Variants in OSBPL5 observed in about 807,000 individuals in gnomAD.
The protein encoded by OSBPL5 is oxysterol binding protein like 5.
OSBPL5 carries 71 observed loss-of-function variants against 111.2 expected under a neutral mutation model. The observed-to-expected ratio is 0.64, with a 90% CI of 0.53 to 0.78. OSBPL5 has a LOEUF of 0.78. OSBPL5 is among the 30% of genes least tolerant of loss of function. The probability of loss-of-function intolerance (pLI) is 0.00; values close to 1 mark genes in which losing one functional copy is unlikely to be tolerated. For missense variants in OSBPL5, 1,210 were observed against 1,189.3 expected (o/e 1.02, Z -0.26); for synonymous variants, 549 against 513.9 (o/e 1.07, Z -0.93).
chr11:3,090,415 GC>G, intron 20 of OSBPL5, 142 bp downstream of exon 20: 1 of 1,152,748 alleles, frequency 8.7e-7, no homozygotes, highest in Non-Finnish European at 1.2e-6. Context: ...CTGCTGGGGG[GC>G]CCCTCAGGGC....
chr11:3,111,785 T>A (rs1484358435), intron 7 of OSBPL5, among the ~76,000 whole-genome samples: 1 of 152,214 alleles, frequency 6.6e-6, no homozygotes, highest in Non-Finnish European at 1.5e-5. Flanking sequence ...TTTATTCATA[T>A]AACAAGGCCA....
Position 3,100,215 on chromosome 11 carries a change from T to C in OSBPL5, c.1564A>G (p.Thr522Ala). 2 of 1,613,978 alleles carry C rather than the reference T, an allele frequency of 1.2e-6. No individual in the cohort carries two copies. The highest frequency in any genetic ancestry group is 1.7e-6 in the Non-Finnish European group (2 of 1,179,996). ...TAATCCTCGGCTCGGTTCAGGAAGGTGAGCGTGGCTTTGCCGTCCAGCAGC... is the reference window on the plus strand; with the variant it reads ...TAATCCTCGGCTCGGTTCAGGAAGGCGAGCGTGGCTTTGCCGTCCAGCAGC... Reference protein sequence around the residue: ...SALLDGKATLTFLNRAEDYTL... With the variant: ...SALLDGKATLAFLNRAEDYTL... The change falls in exon 14 of 22, where the codon ACC (threonine) becomes GCC (alanine). Residue 522 changes from threonine (T) to alanine (A), a missense_variant. Coordinates refer to ENST00000263650, the MANE Select transcript of OSBPL5 (RefSeq NM_020896.4).
Position 3,130,467 on chromosome 11 carries a change from C to T in OSBPL5, c.-21-1298G>A, listed in dbSNP as rs1444397725. Among the ~76,000 whole-genome samples the T allele has an allele frequency of 1.3e-5, 2 of 152,194 alleles. No homozygotes were observed. Among genetic ancestry groups the T allele is most frequent in the Non-Finnish European group, 2.9e-5 (2 of 68,026 alleles). On this transcript the variant is annotated intron_variant, in intron 1 of 21. Transcript: ENST00000263650. The surrounding 1 kb of genome is among the most constrained non-coding windows in gnomAD (Gnocchi z 4.5). ...GTGGCTTCAGGAGTGGGCTGGGGGC[C>T]CAGGGTGTCTGTGGTCCTGGGGGCT...
At chr11:3,163,069 GC>G (rs1399702951) in intron 1 of OSBPL5, among the ~76,000 whole-genome samples, 1 of 152,148 alleles carries the variant, frequency 6.6e-6, no homozygotes, top group Non-Finnish European at 1.5e-5. Context: ...TTGGCACTGT[GC>G]AACCCTGGGC....
intron 1 of OSBPL5, among the ~76,000 whole-genome samples, chr11:3,152,601 G>A (rs1258638368): frequency 2.0e-5 from 3 of 152,184 alleles, no homozygotes; most frequent in African/African-American, 4.8e-5. Context: ...AGCGGCCTGC[G>A]AGGCGCGATG....
chr11:3,162,568 C>A lies in OSBPL5; in HGVS notation c.-22+2648G>T, dbSNP rs888435170. ...CTAAGAGAACAACGCGGTCCTTAGT[C>A]CAAGTCCTTTGTACTCGACCGCCAA... is the stretch of plus-strand genomic sequence containing the variant. On this transcript the variant is annotated intron_variant, in intron 1 of 21. Coordinates refer to ENST00000263650, the MANE Select transcript of OSBPL5 (RefSeq NM_020896.4). The surrounding 1 kb of genome is among the most constrained non-coding windows in gnomAD (Gnocchi z 8.1). Among the ~76,000 whole-genome samples, 4 of 152,014 alleles carry A rather than the reference C, an allele frequency of 2.6e-5. No homozygotes were observed. The highest frequency in any genetic ancestry group is 9.7e-5 in the African/African-American group (4 of 41,374).
At chr11:3,095,654 G>A (rs1350214751) in intron 14 of OSBPL5, among the ~76,000 whole-genome samples, 4 of 152,004 alleles carry the variant, frequency 2.6e-5, no homozygotes, top group African/African-American at 4.8e-5. Context: ...AATGACCTTC[G>A]CCAGTCACCT....
In OSBPL5 at chr11:3,088,138, G is replaced by A. The variant is rs866529393; in HGVS notation, c.*67C>T. 42 of 1,419,556 alleles carry A rather than the reference G, an allele frequency of 3.0e-5. No individual in the cohort carries two copies. The Middle Eastern group carries it at 5.3e-3, about 180-fold the overall frequency. 87.9% of individuals were successfully genotyped at this position (1,419,556 alleles called of 1,614,324 possible). ...CGGGCCTCTCTGCCTCCATGGAGCA[G>A]GCTTAAAGTGCTGGGTGCCTGGGAG... On this transcript the variant is annotated 3_prime_UTR_variant, in exon 22 of 22. Transcript: ENST00000263650.
chr11:3,132,369 T>A (rs1845838363), intron 1 of OSBPL5, among the ~76,000 whole-genome samples: 1 of 152,074 alleles, frequency 6.6e-6, no homozygotes, highest in African/African-American at 2.4e-5. Context: ...TGTGGAGCCC[T>A]TCTGGAGCCC....
rs961563913 is a variant in OSBPL5 at position 3,113,210 on chromosome 11, G to A, written c.692-5265C>T. Among the ~76,000 whole-genome samples the A allele has an allele frequency of 2.0e-5, 3 of 152,100 alleles. No homozygotes were observed. The highest frequency in any genetic ancestry group is 4.4e-5 in the Non-Finnish European group (3 of 68,018). On this transcript the variant is annotated intron_variant, in intron 7 of 21. Coordinates refer to ENST00000263650, the MANE Select transcript of OSBPL5 (RefSeq NM_020896.4). This position sits in a 1 kb window ranked among gnomAD's most constrained non-coding sequence, Gnocchi z 4.8. The stretch of plus-strand genomic sequence containing the variant: ...TAAATAAGCTAGCTTTAAAATTATT[G>A]GTAAAGTAATATTAGAAATGTCTTA...
chr11:3,091,380 G>T (rs997264682), intron 19 of OSBPL5, among the ~76,000 whole-genome samples: 5 of 152,184 alleles, frequency 3.3e-5, no homozygotes, highest in African/African-American at 1.2e-4. Context: ...GGCAGGTGGG[G>T]TCAGAGCCAG....
chr11:3,115,079 G>T (rs1031437900), intron 7 of OSBPL5, among the ~76,000 whole-genome samples: 2 of 151,936 alleles, frequency 1.3e-5, no homozygotes, highest in Admixed American at 1.3e-4. Context: ...TATAAGTTTT[G>T]TTTTCCTCCT....
At chr11:3,112,056 C>CGT (rs1564837553) in intron 7 of OSBPL5, among the ~76,000 whole-genome samples, 4 of 32,040 alleles carry the variant, frequency 1.2e-4, no homozygotes, top group Admixed American at 3.8e-4. Flanking sequence ...CATGTGTGTG[C>CGT]ATGTGTATGT....
chr11:3,148,317 C>T (rs1386445794), intron 1 of OSBPL5, among the ~76,000 whole-genome samples: 1 of 152,268 alleles, frequency 6.6e-6, no homozygotes, highest in Admixed American at 6.5e-5. Context: ...CTTCTACTAT[C>T]CAACACTGAC....
chr11:3,127,984 C>A (rs1379902295), intron 2 of OSBPL5, among the ~76,000 whole-genome samples: 1 of 152,234 alleles, frequency 6.6e-6, no homozygotes, highest in African/African-American at 2.4e-5. Context: ...CCTTCCCCTC[C>A]CCACCCCTGA....
At chr11:3,122,507 A>C in intron 3 of OSBPL5, 79 bp from the exon 4 acceptor site, 1 of 1,326,992 alleles carries the variant, frequency 7.5e-7, no homozygotes, top group South Asian at 1.3e-5. Context: ...CCTGATGCCA[A>C]GGATATGAGG....
Position 3,140,530 on chromosome 11 carries a change from C to T in OSBPL5, c.-21-11361G>A, listed in dbSNP as rs867153380. Among the ~76,000 whole-genome samples, 12 of 152,110 alleles carry T rather than the reference C, an allele frequency of 7.9e-5. No individual in the cohort carries two copies. Among genetic ancestry groups the T allele is most frequent in the Non-Finnish European group, 1.0e-4 (7 of 68,000 alleles). ...GCCCACTTTCAACACTCCGTGAGCA[C>T]GCAGGGCCTCCCCCAGCAGAGAGGG... On this transcript the variant is annotated intron_variant, in intron 1 of 21. Transcript: ENST00000263650. This position sits in a 1 kb window ranked among gnomAD's most constrained non-coding sequence, Gnocchi z 4.5.
intron 14 of OSBPL5, 152 bp from the exon 15 acceptor site, chr11:3,094,486 A>C: frequency 1.6e-6 from 1 of 613,606 alleles, no homozygotes; most frequent in Admixed American, 2.8e-5. Context: ...GAGGGTGAGA[A>C]GGACAGGAGG....
Position 3,107,563 on chromosome 11 carries a change from G to C in OSBPL5, c.867-108C>G, listed in dbSNP as rs1857749521. 5.7e-6 allele frequency: 8 copies of C among 1,408,276 alleles called. No homozygotes were observed. In the Admixed American group the frequency reaches 1.5e-4, roughly 27 times the overall value. 87.2% of individuals were successfully genotyped at this position (1,408,276 alleles called of 1,614,324 possible). On this transcript the variant is annotated intron_variant, in intron 8 of 21. Coordinates refer to ENST00000263650, the MANE Select transcript of OSBPL5 (RefSeq NM_020896.4). The surrounding 1 kb of genome is among the most constrained non-coding windows in gnomAD (Gnocchi z 6.1). ...CCGCACTTCACATACGTTCCTGCCTGTCGTCACCTCCACAACCCACATTTG... is the reference window on the plus strand; with the variant it reads ...CCGCACTTCACATACGTTCCTGCCTCTCGTCACCTCCACAACCCACATTTG...
Sources: gnomAD v4.1 joint callset for allele counts (sites outside exome capture counted in the v4.1 genomes callset) on GRCh38, gnomAD v4.1.1 for gene constraint, Gnocchi (gnomAD v3.1) non-coding constraint, MANE v1.5 for transcripts, NCBI Gene and HGNC (gene_info 2026-07-23, HGNC 2026-07-21) for gene names.